The following SNX13 variants were observed in gnomAD, a reference collection of about 807,000 sequenced individuals.
The protein encoded by SNX13 is sorting nexin 13.
A neutral mutation model predicts 133.6 loss-of-function variants in SNX13; 45 were observed. That is an observed-to-expected ratio of 0.34 (90% confidence interval 0.27 to 0.43). The LOEUF is 0.43. SNX13 is among the 20% of genes least tolerant of loss of function. The pLI is 1.00. For missense variants in SNX13, 1,032 were observed against 1,145.1 expected (o/e 0.90, Z 1.43); for synonymous variants, 414 against 373.9 (o/e 1.11, Z -1.24).
At chr7:17,832,029 C>A in intron 15 of SNX13, 2 of 983,634 alleles carry the variant, frequency 2.0e-6, no homozygotes, top group Non-Finnish European at 2.4e-6. Context: ...AATTAGGAAA[C>A]AAAATATTAG....
At chr7:17,831,782 T>C (rs1248131741) in intron 15 of SNX13, 1 of 983,526 alleles carries the variant, frequency 1.0e-6, no homozygotes, top group African/African-American at 1.8e-5. Context: ...AACTAATTTA[T>C]AACAAAAAAA....
At chr7:17,807,298 AG>A (rs1306963083) in intron 20 of SNX13, among the ~76,000 whole-genome samples, 2 of 149,766 alleles carry the variant, frequency 1.3e-5, no homozygotes, top group African/African-American at 2.4e-5. Context: ...AGGTGGGGGG[AG>A]GGGCCCCCAC....
intron 5 of SNX13, chr7:17,881,651 A>T (rs1795368069): frequency 6.6e-6 from 1 of 152,086 alleles, no homozygotes; most frequent in African/African-American, 2.4e-5. Context: ...CTTATCTGTG[A>T]AAGAAAAAAA....
At chr7:17,894,389 A>T (rs1391673118) in intron 2 of SNX13, among the ~76,000 whole-genome samples, 1 of 152,126 alleles carries the variant, frequency 6.6e-6, no homozygotes, top group African/African-American at 2.4e-5. Flanking sequence ...TATGTAGCTA[A>T]ATGACAGAAT....
At chr7:17,845,547 AAAAG>A (rs1790416063) in intron 12 of SNX13, 44 bp downstream of exon 12, 2 of 1,271,590 alleles carry the variant, frequency 1.6e-6, no homozygotes, top group Non-Finnish European at 2.2e-6. Context: ...AAAAAATCGA[AAAAG>A]AAATTCAATG....
chr7:17,832,497 G>A, intron 15 of SNX13: 1 of 982,566 alleles, frequency 1.0e-6, no homozygotes, highest in Non-Finnish European at 1.2e-6. Flanking sequence ...CAAATACGAA[G>A]AAATTTCTAA....
intron 9 of SNX13, 197 bp downstream of exon 9, chr7:17,868,209 CA>C (rs1269629981): frequency 3.1e-5 from 16 of 513,262 alleles, no homozygotes; most frequent in Non-Finnish European, 5.1e-5. Context: ...AGATAATCAA[CA>C]AAATTCTTAA....
At chr7:17,883,703 C>A (rs975201846) in intron 5 of SNX13, among the ~76,000 whole-genome samples, 1 of 152,030 alleles carries the variant, frequency 6.6e-6, no homozygotes, top group Non-Finnish European at 1.5e-5. Flanking sequence ...TAATGCTATC[C>A]CTCCCCTTGC....
chr7:17,878,648 T>C (rs1399352346), intron 5 of SNX13, among the ~76,000 whole-genome samples: 1 of 152,164 alleles, frequency 6.6e-6, no homozygotes, highest in African/African-American at 2.4e-5. Flanking sequence ...CCAATTTCCA[T>C]AAAGCAGTCA....
chr7:17,830,601 A>G, intron 15 of SNX13: 4 of 984,056 alleles, frequency 4.1e-6, no homozygotes, highest in Non-Finnish European at 4.8e-6. Flanking sequence ...GACAGTTAAA[A>G]CTGCATATGC....
chr7:17,813,397 T>A (rs1360247311), intron 20 of SNX13, among the ~76,000 whole-genome samples: 3 of 152,142 alleles, frequency 2.0e-5, no homozygotes, highest in African/African-American at 7.2e-5. Context: ...AAGCAACATA[T>A]ATTTTTCCCC....
intron 20 of SNX13, among the ~76,000 whole-genome samples, chr7:17,803,937 G>T (rs552117652): frequency 6.6e-6 from 1 of 151,166 alleles, no homozygotes; most frequent in Non-Finnish European, 1.5e-5. Context: ...CACACCTGTG[G>T]TCCTAGCTAC....
intron 1 of SNX13, among the ~76,000 whole-genome samples, chr7:17,939,543 T>C (rs1308166441): frequency 2.6e-5 from 4 of 152,238 alleles, no homozygotes; most frequent in Non-Finnish European, 5.9e-5. Context: ...CTTTTTGCAA[T>C]GCCCATTAGG....
chr7:17,811,235 T>C (rs927563397), intron 20 of SNX13, among the ~76,000 whole-genome samples: 7 of 152,182 alleles, frequency 4.6e-5, no homozygotes, highest in African/African-American at 9.7e-5. Flanking sequence ...GATGACATGA[T>C]TGTATATTTA....
chr7:17,872,365 ACG>A (rs1794214995), intron 8 of SNX13, among the ~76,000 whole-genome samples: 1 of 152,216 alleles, frequency 6.6e-6, no homozygotes, highest in African/African-American at 2.4e-5. Flanking sequence ...CTGAGATTCC[ACG>A]TAACAGTAGC....
chr7:17,832,242 A>G, intron 15 of SNX13: 1 of 984,542 alleles, frequency 1.0e-6, no homozygotes, highest in Middle Eastern at 5.2e-4. Context: ...GAAGTTTGAG[A>G]CTGCTTATAG....
intron 1 of SNX13, 61 bp from the exon 2 acceptor site, chr7:17,897,507 A>T: frequency 1.0e-6 from 1 of 953,732 alleles, no homozygotes; most frequent in Non-Finnish European, 1.5e-6. Context: ...ATTAGAAAAG[A>T]ACCAACAAAA....
intron 1 of SNX13, among the ~76,000 whole-genome samples, chr7:17,909,654 C>G (rs1342765490): frequency 7.8e-6 from 1 of 127,808 alleles, no homozygotes; most frequent in East Asian, 3.1e-4. Flanking sequence ...CAAGTAGAAG[C>G]TGAATGATGA....
intron 15 of SNX13, 114 bp from the exon 16 acceptor site, chr7:17,830,161 T>TAAAAAA (rs367739163): frequency 1.5e-4 from 73 of 475,292 alleles, no homozygotes; most frequent in South Asian, 3.0e-4. Context: ...AACATAATAG[T>TAAAAAA]AAAAAAAAAA....
Sources: gnomAD v4.1 joint callset for allele counts (sites outside exome capture counted in the v4.1 genomes callset) on GRCh38, gnomAD v4.1.1 for gene constraint, MANE v1.5 for transcripts, NCBI Gene and HGNC (gene_info 2026-07-23, HGNC 2026-07-21) for gene names.